OSBPL9: variants seen among roughly 807,000 people sequenced by gnomAD.
OSBPL9 encodes oxysterol binding protein like 9, also known as oxysterol-binding protein-related protein 9.
OSBPL9 carries 40 observed loss-of-function variants against 106.6 expected under a neutral mutation model. That is an observed-to-expected ratio of 0.38 (90% CI 0.29 to 0.49). The LOEUF (loss-of-function observed/expected upper bound fraction) is 0.49, where lower values mean the gene tolerates loss of function less well. Among genes scored for constraint, OSBPL9 ranks in the 20% least tolerant of loss-of-function variants. OSBPL9 has a pLI of 0.97. For synonymous variants in OSBPL9, 269 were observed against 295.4 expected (o/e 0.91, Z 0.92); for missense variants, 609 against 887.2 (o/e 0.69, Z 3.98).
At chr1:51,564,831 C>G in the OSBPL9 span, among the ~76,000 whole-genome samples, 1 of 152,190 alleles carries the variant, frequency 6.6e-6, no homozygotes, top group African/African-American at 2.4e-5. Flanking sequence ...AGGCCTGCAG[C>G]CTCTCTACTC....
intron 3 of OSBPL9, among the ~76,000 whole-genome samples, chr1:51,702,559 A>G (rs1553167996): frequency 6.6e-6 from 1 of 152,090 alleles, no homozygotes; most frequent in Non-Finnish European, 1.5e-5. Flanking sequence ...TTGTCAGATG[A>G]GTAGATTGCA....
intron 3 of OSBPL9, among the ~76,000 whole-genome samples, chr1:51,712,817 A>G (rs1660335485): frequency 6.6e-6 from 1 of 152,120 alleles, no homozygotes; most frequent in Non-Finnish European, 1.5e-5. Context: ...GTATTTTAAA[A>G]ATTGTTTATG....
At chr1:51,528,288 C>G in the OSBPL9 span, among the ~76,000 whole-genome samples, 1 of 151,992 alleles carries the variant, frequency 6.6e-6, no homozygotes, top group Non-Finnish European at 1.5e-5. Context: ...AAGAAACAAA[C>G]AAAAATCTAT....
At chr1:51,575,796 A>AG (rs1191725007), upstream of OSBPL9, among the ~76,000 whole-genome samples, 1 of 152,260 alleles carries the variant, frequency 6.6e-6, no homozygotes, top group African/African-American at 2.4e-5. Context: ...GTTTCTGAAA[A>AG]GCAGGGGATA....
At chr1:51,730,883 T>C (rs1353436547) in intron 4 of OSBPL9, among the ~76,000 whole-genome samples, 1 of 152,218 alleles carries the variant, frequency 6.6e-6, no homozygotes, top group Non-Finnish European at 1.5e-5. Context: ...GTTGTAGTTT[T>C]AAAAGTTTTT....
At chr1:51,609,765 T>A (rs1643973472) in intron 2 of OSBPL9, among the ~76,000 whole-genome samples, 1 of 150,738 alleles carries the variant, frequency 6.6e-6, no homozygotes, top group South Asian at 2.1e-4. Context: ...TTTTTTTTTT[T>A]AGACGGAGTT....
the OSBPL9 span, among the ~76,000 whole-genome samples, chr1:51,534,249 T>C: frequency 2.0e-5 from 3 of 151,564 alleles, no homozygotes; most frequent in Non-Finnish European, 2.9e-5. Flanking sequence ...TATGAAGTCA[T>C]ACTGGTTTTT....
At chr1:51,768,077 G>A (rs1673002002) in intron 12 of OSBPL9, among the ~76,000 whole-genome samples, 1 of 151,602 alleles carries the variant, frequency 6.6e-6, no homozygotes, top group East Asian at 1.9e-4. Flanking sequence ...GAGTAGCTGG[G>A]ACTACAGGCG....
chr1:51,689,981 ACCTC>A (rs1654625702), intron 3 of OSBPL9, among the ~76,000 whole-genome samples: 1 of 152,096 alleles, frequency 6.6e-6, no homozygotes, highest in South Asian at 2.1e-4. Context: ...TGCCAAAGCA[ACCTC>A]CTTATTGACA....
At chr1:51,757,158 G>A (rs1366536581) in intron 9 of OSBPL9, among the ~76,000 whole-genome samples, 1 of 152,064 alleles carries the variant, frequency 6.6e-6, no homozygotes, top group African/African-American at 2.4e-5. Context: ...TCTCCTGATT[G>A]TACTTGAAAG....
At position 51,781,347 on chromosome 1, in the gene OSBPL9, A is replaced by G. The variant is rs1446808478; in HGVS notation, c.1428+12A>G. 5.6e-6 allele frequency: 9 copies of G among 1,608,904 alleles called. No individual in the cohort carries two copies. In the East Asian group the frequency reaches 1.8e-4, roughly 32 times the overall value. ...CTGAAGAGAACACAGTGAGTTCTGC[A>G]TTGACATTTTTAAATTATCTTAATT... On this transcript the variant is annotated intron_variant, in intron 16 of 23. Coordinates refer to ENST00000428468, the MANE Select transcript of OSBPL9 (RefSeq NM_024586.6).
intron 1 of OSBPL9, among the ~76,000 whole-genome samples, chr1:51,647,519 A>AGG (rs1646240312): frequency 6.6e-6 from 1 of 152,170 alleles, no homozygotes; most frequent in Non-Finnish European, 1.5e-5. Context: ...AGAACTCACC[A>AGG]TCTGGGCCTG....
intron 3 of OSBPL9, among the ~76,000 whole-genome samples, chr1:51,681,101 T>G (rs908028458): frequency 2.0e-5 from 3 of 152,224 alleles, no homozygotes; most frequent in African/African-American, 7.2e-5. Flanking sequence ...ACGCTATTTA[T>G]TATTTCAGAA....
chr1:51,616,155 T>C (rs1258339891), upstream of OSBPL9, among the ~76,000 whole-genome samples: 1 of 151,996 alleles, frequency 6.6e-6, no homozygotes, highest in African/African-American at 2.4e-5. Context: ...CAGATAATTT[T>C]TGTATGTTTA....
At chr1:51,740,278 T>A in intron 4 of OSBPL9, 1 of 1,410,766 alleles carries the variant, frequency 7.1e-7, no homozygotes, top group South Asian at 1.6e-5. Flanking sequence ...CTGTGATGCA[T>A]GTCATCTCAA....
chr1:51,618,950 ATTAC>A (rs1254872770), intron 1 of OSBPL9, among the ~76,000 whole-genome samples: 1 of 152,208 alleles, frequency 6.6e-6, no homozygotes, highest in African/African-American at 2.4e-5. Context: ...GAGTAAAAGT[ATTAC>A]TTTCATCATC....
chr1:51,674,629 G>C (rs1440965996), intron 3 of OSBPL9, among the ~76,000 whole-genome samples: 1 of 152,256 alleles, frequency 6.6e-6, no homozygotes, highest in Admixed American at 6.5e-5. Flanking sequence ...CGGCTAGGCA[G>C]ATAAGTACAG....
chr1:51,653,615 C>T (rs1012192113), intron 2 of OSBPL9, among the ~76,000 whole-genome samples: 3 of 152,142 alleles, frequency 2.0e-5, no homozygotes, highest in African/African-American at 7.2e-5. Flanking sequence ...TTGGTTATAA[C>T]TTTTTTACCC....
At chr1:51,578,874 G>A (rs1645202669) in intron 1 of OSBPL9, among the ~76,000 whole-genome samples, 1 of 152,058 alleles carries the variant, frequency 6.6e-6, no homozygotes, top group Non-Finnish European at 1.5e-5. Flanking sequence ...AAAGCACAGG[G>A]CAATAAAATT....
Sources: gnomAD v4.1 joint callset for allele counts (sites outside exome capture counted in the v4.1 genomes callset) on GRCh38, gnomAD v4.1.1 for gene constraint, MANE v1.5 for transcripts, NCBI Gene and HGNC (gene_info 2026-07-23, HGNC 2026-07-21) for gene names.